Variants in PGCKA1 observed in about 807,000 individuals in gnomAD.
PGCKA1 encodes the protein PDCD10 and GCKIII kinases-associated protein 1.
At chr4:37,471,621 A>C in the PGCKA1 span, among the ~76,000 whole-genome samples, 13 of 152,306 alleles carry the variant, frequency 8.5e-5, no homozygotes, top group African/African-American at 2.9e-4. Context: ...AAATAAAAAT[A>C]GAATTTAAAT....
At chr4:37,538,733 A>G in the PGCKA1 span, among the ~76,000 whole-genome samples, 1 of 152,200 alleles carries the variant, frequency 6.6e-6, no homozygotes, top group Non-Finnish European at 1.5e-5. Context: ...GGAGGAACTT[A>G]ATCTCCTGTT....
chr4:37,512,380 C>T, the PGCKA1 span, among the ~76,000 whole-genome samples: 9 of 151,206 alleles, frequency 6.0e-5, no homozygotes, highest in Admixed American at 4.6e-4. Flanking sequence ...CACTGAGACA[C>T]TAAAAATCAA....
chr4:37,569,344 C>A, the PGCKA1 span, among the ~76,000 whole-genome samples: 1 of 151,864 alleles, frequency 6.6e-6, no homozygotes, highest in African/African-American at 2.4e-5. Context: ...ATTACAAGCA[C>A]CTGCCACCAC....
chr4:37,570,308 A>T, the PGCKA1 span, among the ~76,000 whole-genome samples: 3,887 of 150,786 alleles, frequency 0.026, 71 homozygotes, highest in South Asian at 0.08. Flanking sequence ...GTCTGCATAT[A>T]ATCTTTCAAG....
At chr4:37,529,283 T>C in the PGCKA1 span, among the ~76,000 whole-genome samples, 1 of 152,238 alleles carries the variant, frequency 6.6e-6, no homozygotes, top group Non-Finnish European at 1.5e-5. Flanking sequence ...ATATTTATCC[T>C]ACATCTAGGT....
chr4:37,491,496 A>T, the PGCKA1 span, among the ~76,000 whole-genome samples: 1 of 152,090 alleles, frequency 6.6e-6, no homozygotes, highest in Non-Finnish European at 1.5e-5. Flanking sequence ...TTTCTTGTGC[A>T]TTTTTTTAAC....
the PGCKA1 span, among the ~76,000 whole-genome samples, chr4:37,546,998 G>A: frequency 1.3e-5 from 2 of 152,178 alleles, no homozygotes; most frequent in Admixed American, 1.3e-4. Flanking sequence ...TGCCTTAATC[G>A]GCACTTTGAT....
At chr4:37,519,828 T>C in the PGCKA1 span, among the ~76,000 whole-genome samples, 1 of 152,196 alleles carries the variant, frequency 6.6e-6, no homozygotes. Flanking sequence ...TGGGCACCCT[T>C]GTTGTATTCC....
At chr4:37,560,220 G>A in the PGCKA1 span, among the ~76,000 whole-genome samples, 1 of 152,158 alleles carries the variant, frequency 6.6e-6, no homozygotes, top group East Asian at 1.9e-4. Flanking sequence ...CAGGTCACTG[G>A]TCTTGCTTTT....
the PGCKA1 span, among the ~76,000 whole-genome samples, chr4:37,520,960 A>G: frequency 1.3e-5 from 2 of 152,046 alleles, no homozygotes; most frequent in Admixed American, 1.3e-4. Context: ...TCTCTTTTTT[A>G]TAGTTAGTCT....
At chr4:37,519,915 T>A in the PGCKA1 span, among the ~76,000 whole-genome samples, 1 of 152,230 alleles carries the variant, frequency 6.6e-6, no homozygotes, top group Admixed American at 6.5e-5. Context: ...ATGGCTTTTA[T>A]TATGTTGAGG....
At chr4:37,522,639 T>C in the PGCKA1 span, among the ~76,000 whole-genome samples, 640 of 99,058 alleles carry the variant, frequency 6.5e-3, 7 homozygotes, top group African/African-American at 0.032. Context: ...CAACATAGTA[T>C]CTGGGTATCA....
the PGCKA1 span, among the ~76,000 whole-genome samples, chr4:37,494,149 T>C: frequency 1.3e-5 from 2 of 152,156 alleles, no homozygotes; most frequent in Non-Finnish European, 2.9e-5. Flanking sequence ...TGTTTAACTT[T>C]TATTTTAAGT....
chr4:37,486,043 CT>C, the PGCKA1 span, among the ~76,000 whole-genome samples: 2 of 152,152 alleles, frequency 1.3e-5, no homozygotes, highest in Non-Finnish European at 2.9e-5. Flanking sequence ...ACGGATATGT[CT>C]TTGTTCAAGG....
chr4:37,506,145 C>G, the PGCKA1 span, among the ~76,000 whole-genome samples: 1 of 152,076 alleles, frequency 6.6e-6, no homozygotes, highest in South Asian at 2.1e-4. Context: ...CCTTTTTCAT[C>G]TTTAATTTTA....
the PGCKA1 span, among the ~76,000 whole-genome samples, chr4:37,498,353 G>T: frequency 6.6e-5 from 10 of 152,102 alleles, no homozygotes; most frequent in Non-Finnish European, 8.8e-5. Context: ...CTCCAGATTT[G>T]TTATTTTTGC....
chr4:37,483,791 G>T, the PGCKA1 span, among the ~76,000 whole-genome samples: 1 of 152,144 alleles, frequency 6.6e-6, no homozygotes, highest in Non-Finnish European at 1.5e-5. Flanking sequence ...CTGCTTCCCT[G>T]TGCCAGCAGT....
chr4:37,529,279 A>G, the PGCKA1 span, among the ~76,000 whole-genome samples: 1 of 152,248 alleles, frequency 6.6e-6, no homozygotes, highest in South Asian at 2.1e-4. Context: ...AAATATATTT[A>G]TCCTACATCT....
At chr4:37,565,458 C>G in the PGCKA1 span, among the ~76,000 whole-genome samples, 1 of 152,112 alleles carries the variant, frequency 6.6e-6, no homozygotes, top group Non-Finnish European at 1.5e-5. Context: ...AGGAGCAGCA[C>G]CGGGTCTAAT....
Sources: gnomAD v4.1 joint callset for allele counts (sites outside exome capture counted in the v4.1 genomes callset) on GRCh38, gnomAD v4.1.1 for gene constraint, MANE v1.5 for transcripts, NCBI Gene and HGNC (gene_info 2026-07-23, HGNC 2026-07-21) for gene names.